ATP9B: variants seen among roughly 807,000 people sequenced by gnomAD.
ATP9B encodes ATPase phospholipid transporting 9B.
In ATP9B, 110 loss-of-function variants were observed where a neutral mutation model predicts 146.1. The ratio of observed to expected loss-of-function variants is 0.75; its 90% CI spans 0.65 to 0.88. ATP9B has a LOEUF of 0.88. Ranked by LOEUF, ATP9B falls within the 40% of genes least tolerant of loss-of-function variation. The pLI is 0.00. For synonymous variants in ATP9B, 604 were observed against 569.7 expected, an observed-to-expected ratio of 1.06 and a Z score of -0.86; for missense variants, 1,499 against 1,496.4, an observed-to-expected ratio of 1.00 and a Z score of -0.03.
intron 4 of ATP9B, among the ~76,000 whole-genome samples, chr18:79,116,934 AAAAATTAAAAAAAAAAAAAAAAG>A (rs1362349878): frequency 9.0e-6 from 1 of 111,730 alleles, no homozygotes; most frequent in East Asian, 3.6e-4. Flanking sequence ...AAAAAAAAAA[AAAAATTAAAAAAAAAAAAAAAAG>A]AAATAATGAT....
At chr18:79,338,482 G>T (rs1035524525) in intron 19 of ATP9B, among the ~76,000 whole-genome samples, 9 of 152,330 alleles carry the variant, frequency 5.9e-5, no homozygotes, top group South Asian at 4.1e-4. Context: ...CCAAGGCAGT[G>T]CCCCGTCTCA....
At chr18:79,321,564 T>C (rs1202271845) in intron 15 of ATP9B, among the ~76,000 whole-genome samples, 2 of 152,160 alleles carry the variant, frequency 1.3e-5, no homozygotes. Context: ...TAATTTTATA[T>C]TATCGAAATT....
chr18:79,213,707 G>A (rs73971526), intron 10 of ATP9B, among the ~76,000 whole-genome samples: 56 of 152,188 alleles, frequency 3.7e-4, no homozygotes, highest in African/African-American at 1.1e-3. Flanking sequence ...TCAGTGAAAA[G>A]AATATTAGTA....
At chr18:79,247,787 G>A (rs2095982911) in intron 11 of ATP9B, among the ~76,000 whole-genome samples, 1 of 152,116 alleles carries the variant, frequency 6.6e-6, no homozygotes, top group African/African-American at 2.4e-5. Flanking sequence ...TTATGTTAAT[G>A]TTCAAGGGAA....
In ATP9B at chr18:79,376,144, C is replaced by G. The variant is rs527776888; in HGVS notation, c.3307+718C>G. 16 of 977,790 alleles carry G rather than the reference C, an allele frequency of 1.6e-5. No individual in the cohort carries two copies. The South Asian group carries it at 7.2e-4, about 44-fold the overall frequency. The allele number at this position is 977,790 out of a possible 1,614,324, so 60.6% of individuals were successfully genotyped here. ...GCCAGCTGCCCTCTGTTGCCCCCAG[C>G]CCCTCATAAAGTCAGCTCTACCTTA... On this transcript the variant is annotated intron_variant, in intron 29 of 29. Coordinates refer to ENST00000426216, the MANE Select transcript of ATP9B (RefSeq NM_198531.5).
At chr18:79,200,601 A>C (rs552011449) in intron 9 of ATP9B, among the ~76,000 whole-genome samples, 4 of 118,556 alleles carry the variant, frequency 3.4e-5, no homozygotes, top group Non-Finnish European at 7.4e-5. Flanking sequence ...TCTCTGACCA[A>C]GTGGGCTTCA....
intron 13 of ATP9B, among the ~76,000 whole-genome samples, chr18:79,290,311 T>A (rs955126402): frequency 6.6e-6 from 1 of 152,242 alleles, no homozygotes; most frequent in East Asian, 1.9e-4. Context: ...TAAGCAAGCC[T>A]GGGCAATGGC....
At position 79,176,894 on chromosome 18, in the gene ATP9B, T is replaced by TGCC; in HGVS notation, c.862_864dup (p.Pro288dup). 6.2e-7 allele frequency: 1 copy of TGCC among 1,614,098 alleles called. No homozygotes were observed. Among genetic ancestry groups the TGCC allele is most frequent in the East Asian group, 2.2e-5 (1 of 44,874 alleles). ...GTGGCAGTGAGCTGCACGCAACAGCTGCCGGCTCTGGGGGTGAGCAGCACC... is the reference window on the plus strand; with the variant it reads ...GTGGCAGTGAGCTGCACGCAACAGCTGCCGCCGGCTCTGGGGGTGAGCAGCACC... On this transcript the variant is annotated inframe_insertion, in exon 8 of 30. Coordinates refer to ENST00000426216, the MANE Select transcript of ATP9B (RefSeq NM_198531.5).
intron 15 of ATP9B, among the ~76,000 whole-genome samples, chr18:79,322,348 C>T (rs2096720820): frequency 6.6e-6 from 1 of 152,228 alleles, no homozygotes; most frequent in East Asian, 1.9e-4. Context: ...AGAATTGAGA[C>T]AGCGAGTGTT....
At chr18:79,230,775 A>G (rs573752064) in intron 11 of ATP9B, among the ~76,000 whole-genome samples, 424 of 152,282 alleles carry the variant, frequency 2.8e-3, no homozygotes, top group African/African-American at 1.0e-2. Context: ...AGCAAGACTA[A>G]GCAAAAAGGA....
intron 15 of ATP9B, among the ~76,000 whole-genome samples, chr18:79,324,193 A>G (rs1425634847): frequency 6.6e-6 from 1 of 152,014 alleles, no homozygotes; most frequent in Non-Finnish European, 1.5e-5. Context: ...GATCTGGTAG[A>G]TTCTGCTTAT....
chr18:79,223,051 G>A (rs889849653), intron 11 of ATP9B, among the ~76,000 whole-genome samples: 1 of 152,104 alleles, frequency 6.6e-6, no homozygotes, highest in Non-Finnish European at 1.5e-5. Flanking sequence ...TAATCCCTTG[G>A]GTATATTGAT....
At chr18:79,072,194 C>A (rs1458498970) in intron 1 of ATP9B, among the ~76,000 whole-genome samples, 5 of 150,212 alleles carry the variant, frequency 3.3e-5, no homozygotes, top group Admixed American at 1.3e-4. Context: ...GGGTGTTTCT[C>A]GGAGAGGGGG....
chr18:79,145,662 T>C (rs2094575810), intron 6 of ATP9B: 2 of 39,314 alleles, frequency 5.1e-5, no homozygotes, highest in Admixed American at 5.7e-4. Flanking sequence ...GAGCTGGCGG[T>C]GTGCAGAGTG....
chr18:79,095,994 G>A (rs2074746164), intron 1 of ATP9B, among the ~76,000 whole-genome samples: 1 of 152,216 alleles, frequency 6.6e-6, no homozygotes, highest in Non-Finnish European at 1.5e-5. Flanking sequence ...CAAACCAAGG[G>A]ATGATGTTGA....
chr18:79,261,239 C>A (rs2096137549), intron 12 of ATP9B, among the ~76,000 whole-genome samples: 1 of 152,086 alleles, frequency 6.6e-6, no homozygotes, highest in Admixed American at 6.5e-5. Context: ...AGGGTGGACT[C>A]CCATGCATGC....
At chr18:79,090,563 G>A (rs1047726512) in intron 1 of ATP9B, among the ~76,000 whole-genome samples, 2 of 152,124 alleles carry the variant, frequency 1.3e-5, no homozygotes, top group Admixed American at 6.5e-5. Context: ...TTTGTGATTT[G>A]TATGTCTTCT....
At chr18:79,152,245 G>A (rs532099310) in intron 6 of ATP9B, among the ~76,000 whole-genome samples, 3 of 152,196 alleles carry the variant, frequency 2.0e-5, no homozygotes, top group Non-Finnish European at 4.4e-5. Context: ...ATTAGTAGAA[G>A]TGGTTTTAAT....
intron 20 of ATP9B, among the ~76,000 whole-genome samples, chr18:79,343,109 A>G (rs1004770229): frequency 4.6e-5 from 7 of 152,224 alleles, no homozygotes; most frequent in South Asian, 2.1e-4. Context: ...CTACAGAAGG[A>G]GTTATTTGAA....
Sources: allele counts gnomAD v4.1 joint callset (sites outside exome capture counted in the v4.1 genomes callset), GRCh38; gene constraint gnomAD v4.1.1; transcripts MANE v1.5; gene names NCBI Gene and HGNC (gene_info 2026-07-23, HGNC 2026-07-21).